The following RIMS2 variants were observed in gnomAD, a reference collection of about 807,000 sequenced individuals.
RIMS2 encodes regulating synaptic membrane exocytosis protein 2.
In RIMS2, 59 loss-of-function variants were observed where a neutral mutation model predicts 174.4. The ratio of observed to expected loss-of-function variants is 0.34; its 90% CI spans 0.27 to 0.42. RIMS2 has a LOEUF of 0.42. RIMS2 is among the 10% of genes least tolerant of loss of function. The pLI is 1.00. For missense variants in RIMS2, 1,620 were observed against 1,666.3 expected (o/e 0.97, Z 0.48); for synonymous variants, 606 against 572.5 (o/e 1.06, Z -0.84).
At position 104,166,192 on chromosome 8, in the gene RIMS2, G is replaced by A. The variant is rs958793231; in HGVS notation, c.3335-78724G>A. Among the ~76,000 whole-genome samples the A allele has an allele frequency of 3.4e-5, 5 of 149,002 alleles. No homozygotes were observed. The South Asian group carries it at 8.7e-4, about 26-fold the overall frequency. ...CGCCATTCTCCTGCCTCAGCCTCCC[G>A]AGTAGCTGGGACTACAGGCGCCCGC... On this transcript the variant is annotated intron_variant, in intron 19 of 23. Transcript: ENST00000504942.
intron 19 of RIMS2, among the ~76,000 whole-genome samples, chr8:104,216,239 C>T (rs183880233): frequency 6.6e-6 from 1 of 152,166 alleles, no homozygotes; most frequent in African/African-American, 2.4e-5. Context: ...GAAAACAGAA[C>T]TAATCATGTT....
In RIMS2 at chr8:103,507,295, A is replaced by G. The variant is rs918793089; in HGVS notation, c.176+6233A>G. 1.4e-4 allele frequency among the ~76,000 whole-genome samples: 21 copies of G among 151,980 alleles called. 2 individuals are homozygous for G. The highest frequency in any genetic ancestry group is 1.2e-3 in the Admixed American group (18 of 15,256). ...TAACAATACCTTTTATATTTCCCCAATTATGCTTATCAAAATTTATAATGA... is the reference window on the plus strand; with the variant it reads ...TAACAATACCTTTTATATTTCCCCAGTTATGCTTATCAAAATTTATAATGA... On this transcript the variant is annotated intron_variant, in intron 1 of 23. Coordinates refer to ENST00000504942, the Ensembl canonical transcript of RIMS2.
At chr8:103,705,426 TG>T (rs1293053900) in intron 2 of RIMS2, among the ~76,000 whole-genome samples, 5 of 152,130 alleles carry the variant, frequency 3.3e-5, no homozygotes, top group Non-Finnish European at 2.9e-5. Flanking sequence ...TTGTCACAGT[TG>T]GATGAAATAT....
chr8:103,995,917 TA>T (rs1055583753), intron 17 of RIMS2, among the ~76,000 whole-genome samples: 3 of 151,946 alleles, frequency 2.0e-5, no homozygotes, highest in African/African-American at 7.2e-5. Flanking sequence ...GCAAGGCTTG[TA>T]AATCCATTGA....
chr8:103,948,981 G>C (rs1357121407), intron 14 of RIMS2, among the ~76,000 whole-genome samples: 1 of 150,424 alleles, frequency 6.6e-6, no homozygotes, highest in Non-Finnish European at 1.5e-5. Context: ...AAAATAATTA[G>C]CCGGGTTCAG....
chr8:103,925,220 T>C (rs2078534362), intron 10 of RIMS2, among the ~76,000 whole-genome samples: 2 of 151,656 alleles, frequency 1.3e-5, no homozygotes, highest in Admixed American at 1.3e-4. Context: ...TCATATTTTA[T>C]TTCATTCACT....
rs2099049631 is a variant in RIMS2, at chr8:104,200,582, G to C, written c.3335-44334G>C. Reference sequence around the variant, plus strand: ...TATGTATTTTTAAATATGAGTTGGTGCCAGGGTCAACAGTCATTTTTACCT... The same window carrying C: ...TATGTATTTTTAAATATGAGTTGGTCCCAGGGTCAACAGTCATTTTTACCT... On this transcript the variant is annotated intron_variant, in intron 19 of 23. Transcript: ENST00000504942. Among the ~76,000 whole-genome samples the C allele has an allele frequency of 2.0e-5, 3 of 152,158 alleles. No homozygotes were observed. In the South Asian group the frequency reaches 6.2e-4, roughly 32 times the overall value.
At chr8:103,991,078 CA>C (rs1348677433) in intron 17 of RIMS2, among the ~76,000 whole-genome samples, 1 of 151,806 alleles carries the variant, frequency 6.6e-6, no homozygotes, top group Non-Finnish European at 1.5e-5. Flanking sequence ...AGATATCCTA[CA>C]ATGTGCATTT....
At chr8:104,186,737 A>G (rs2098969981) in intron 19 of RIMS2, among the ~76,000 whole-genome samples, 1 of 151,808 alleles carries the variant, frequency 6.6e-6, no homozygotes, top group South Asian at 2.1e-4. Context: ...GTTCCAGTCC[A>G]GAGAGGGTCT....
rs1397958521 is a variant in RIMS2, at chr8:104,123,048, TATATA to T, written c.3334+108441_3334+108445del. Reference sequence around the variant, plus strand: ...CATTGCATTGTTGCCGTGTTATTTTTATATAATATAATTTCCAAAAAATGCTGAAT... The same window carrying T: ...CATTGCATTGTTGCCGTGTTATTTTTATATAATTTCCAAAAAATGCTGAAT... On this transcript the variant is annotated intron_variant, in intron 19 of 23. Coordinates refer to ENST00000504942, the Ensembl canonical transcript of RIMS2. 3.9e-5 allele frequency among the ~76,000 whole-genome samples: 6 copies of T among 152,212 alleles called. No homozygotes were observed. In the Middle Eastern group the frequency reaches 0.01, roughly 259 times the overall value.
intron 19 of RIMS2, among the ~76,000 whole-genome samples, chr8:104,033,694 C>T (rs2096450291): frequency 6.6e-6 from 1 of 150,952 alleles, no homozygotes; most frequent in Non-Finnish European, 1.5e-5. Context: ...CCCTAAATGT[C>T]ATGAGTAAGT....
intron 15 of RIMS2, among the ~76,000 whole-genome samples, chr8:103,964,097 T>C (rs1565562299): frequency 6.6e-6 from 1 of 152,242 alleles, no homozygotes; most frequent in Admixed American, 6.5e-5. Context: ...TGGTTGCTTC[T>C]GAGTTTTGGC....
intron 1 of RIMS2, among the ~76,000 whole-genome samples, chr8:103,596,587 A>G (rs1407952682): frequency 6.6e-6 from 1 of 152,092 alleles, no homozygotes; most frequent in Non-Finnish European, 1.5e-5. Context: ...TGTTAACTAT[A>G]GTGGATATGC....
chr8:103,771,562 A>C (rs2098253787), intron 3 of RIMS2, among the ~76,000 whole-genome samples: 1 of 152,128 alleles, frequency 6.6e-6, no homozygotes, highest in Admixed American at 6.5e-5. Context: ...CAGAAGACCT[A>C]GGCCCTGTTC....
At chr8:104,218,569 A>G (rs2099141522) in intron 19 of RIMS2, among the ~76,000 whole-genome samples, 3 of 152,274 alleles carry the variant, frequency 2.0e-5, no homozygotes, top group South Asian at 2.1e-4. Flanking sequence ...ACAACTCACC[A>G]TAATATAGAA....
At chr8:103,939,390 G>T (rs1458302064) in intron 13 of RIMS2, among the ~76,000 whole-genome samples, 1 of 152,158 alleles carries the variant, frequency 6.6e-6, no homozygotes, top group African/African-American at 2.4e-5. Context: ...GCTCCTTCTT[G>T]TCACAGCTGG....
chr8:103,670,550 C>T (rs1488813502), intron 1 of RIMS2, among the ~76,000 whole-genome samples: 1 of 152,184 alleles, frequency 6.6e-6, no homozygotes, highest in African/African-American at 2.4e-5. Flanking sequence ...CCCAAGTCAC[C>T]TCTTGAATAC....
intron 2 of RIMS2, among the ~76,000 whole-genome samples, chr8:103,722,981 G>A (rs1048801757): frequency 6.6e-6 from 1 of 152,086 alleles, no homozygotes; most frequent in Non-Finnish European, 1.5e-5. Context: ...GCATGGTGGG[G>A]CACACCTGTA....
chr8:104,199,859 T>G (rs897166250), intron 19 of RIMS2, among the ~76,000 whole-genome samples: 1 of 152,164 alleles, frequency 6.6e-6, no homozygotes, highest in Admixed American at 6.5e-5. Context: ...GAGTTGGGCC[T>G]CCTTCCTGAG....
Sources: gnomAD v4.1 joint callset for allele counts (sites outside exome capture counted in the v4.1 genomes callset) on GRCh38, gnomAD v4.1.1 for gene constraint, MANE v1.5 for transcripts, NCBI Gene and HGNC (gene_info 2026-07-23, HGNC 2026-07-21) for gene names.